Variants in CAMK2D observed in about 807,000 individuals in gnomAD.
The protein encoded by CAMK2D is calcium/calmodulin dependent protein kinase II delta, also known as calcium/calmodulin-dependent protein kinase type II subunit delta.
CAMK2D carries 37 observed loss-of-function variants against 84.0 expected under a neutral mutation model. That is an observed-to-expected ratio of 0.44 (90% CI 0.34 to 0.58). CAMK2D has a LOEUF of 0.58. Ranked by LOEUF, CAMK2D falls within the 20% of genes least tolerant of loss-of-function variation. The probability of loss-of-function intolerance (pLI) is 0.02; values close to 1 mark genes in which losing one functional copy is unlikely to be tolerated. For missense variants in CAMK2D, 448 were observed against 652.5 expected (o/e 0.69, Z 3.41); for synonymous variants, 202 against 212.5 (o/e 0.95, Z 0.43).
At chr4:113,702,070 TG>T (rs1156304003) in intron 2 of CAMK2D, among the ~76,000 whole-genome samples, 20 of 152,176 alleles carry the variant, frequency 1.3e-4, no homozygotes, top group Admixed American at 1.3e-3. Flanking sequence ...CTGCTCAAAT[TG>T]TTCCATCCTT....
At chr4:113,503,233 C>T in intron 14 of CAMK2D, 1 of 686,920 alleles carries the variant, frequency 1.5e-6, no homozygotes. Context: ...TCAAACAAGG[C>T]TTTGATATTT....
chr4:113,682,473 T>C (rs1162167825), intron 2 of CAMK2D, among the ~76,000 whole-genome samples: 1 of 152,070 alleles, frequency 6.6e-6, no homozygotes, highest in Non-Finnish European at 1.5e-5. Context: ...CCAAAATTTA[T>C]AATGAGGACT....
chr4:113,465,963 T>C (rs2097456143), intron 16 of CAMK2D, among the ~76,000 whole-genome samples: 1 of 152,126 alleles, frequency 6.6e-6, no homozygotes, highest in Admixed American at 6.6e-5. Context: ...AAATTAGTTT[T>C]TACTAAGGCT....
intron 6 of CAMK2D, among the ~76,000 whole-genome samples, chr4:113,545,235 A>G (rs905489232): frequency 6.6e-6 from 1 of 152,116 alleles, no homozygotes; most frequent in Non-Finnish European, 1.5e-5. Context: ...CATTACGTTA[A>G]ACAGCTATGG....
At chr4:113,619,085 T>A (rs1366711832) in intron 3 of CAMK2D, among the ~76,000 whole-genome samples, 1 of 152,136 alleles carries the variant, frequency 6.6e-6, no homozygotes, top group Non-Finnish European at 1.5e-5. Context: ...ATCGTCCCCC[T>A]AAAACCTGCT....
At chr4:113,607,942 G>A (rs887702456) in intron 4 of CAMK2D, among the ~76,000 whole-genome samples, 10 of 152,236 alleles carry the variant, frequency 6.6e-5, no homozygotes, top group Non-Finnish European at 1.2e-4. Context: ...ATTTGTCAAT[G>A]CCAGTTGTAA....
At chr4:113,459,700 C>T (rs1332496358) in intron 18 of CAMK2D, among the ~76,000 whole-genome samples, 1 of 144,662 alleles carries the variant, frequency 6.9e-6, no homozygotes, top group Admixed American at 7.1e-5. Context: ...GATCTTGGCT[C>T]ACTGCAACTT....
intron 2 of CAMK2D, among the ~76,000 whole-genome samples, chr4:113,693,569 T>C (rs755877738): frequency 6.6e-6 from 1 of 152,130 alleles, no homozygotes; most frequent in Non-Finnish European, 1.5e-5. Context: ...CTTCTCTTTG[T>C]GTCTAATTGT....
At chr4:113,489,065 C>T (rs2097793543) in intron 16 of CAMK2D, among the ~76,000 whole-genome samples, 2 of 151,972 alleles carry the variant, frequency 1.3e-5, no homozygotes, top group South Asian at 4.1e-4. Context: ...ATAAATTCTG[C>T]ATCAGTCATA....
At chr4:113,679,039 T>C (rs920021972) in intron 2 of CAMK2D, among the ~76,000 whole-genome samples, 1 of 152,188 alleles carries the variant, frequency 6.6e-6, no homozygotes, top group Non-Finnish European at 1.5e-5. Context: ...TATAATACTT[T>C]ATGTAATAGG....
At chr4:113,595,048 A>C (rs1298828403) in intron 4 of CAMK2D, among the ~76,000 whole-genome samples, 1 of 152,112 alleles carries the variant, frequency 6.6e-6, no homozygotes, top group Non-Finnish European at 1.5e-5. Flanking sequence ...AAAACAAAGA[A>C]AAAGAAAAAA....
At chr4:113,458,057 T>A (rs938819676) in intron 18 of CAMK2D, among the ~76,000 whole-genome samples, 1 of 152,216 alleles carries the variant, frequency 6.6e-6, no homozygotes, top group Non-Finnish European at 1.5e-5. Flanking sequence ...GACATCACTG[T>A]CTTCAAAATA....
chr4:113,608,231 G>GT (rs1337036418), intron 4 of CAMK2D, among the ~76,000 whole-genome samples: 13 of 152,132 alleles, frequency 8.5e-5, no homozygotes, highest in African/African-American at 2.9e-4. Flanking sequence ...GTTTCTTAAT[G>GT]ATATCATTGA....
At chr4:113,686,533 G>A (rs968982886) in intron 2 of CAMK2D, among the ~76,000 whole-genome samples, 23 of 152,238 alleles carry the variant, frequency 1.5e-4, no homozygotes, top group African/African-American at 5.5e-4. Flanking sequence ...TGTAAGAGAT[G>A]ATTTTTATTA....
rs374169564 is a variant in CAMK2D, at chr4:113,628,903, T to C, written c.221-19697A>G. Among the ~76,000 whole-genome samples, 10 of 152,226 alleles carry C rather than the reference T, an allele frequency of 6.6e-5. No individual in the cohort carries two copies. In the East Asian group the frequency reaches 1.5e-3, roughly 23 times the overall value. On this transcript the variant is annotated intron_variant, in intron 3 of 20. Coordinates refer to ENST00000511664, the MANE Select transcript of CAMK2D (RefSeq NM_001321571.2). ...GAACAAGAAAAAGAGCTGCTGTACC[T>C]GGTCCTCTTGCTTCAAGTTGCCAGT...
chr4:113,749,013 C>G (rs1463456769), intron 2 of CAMK2D, among the ~76,000 whole-genome samples: 1 of 151,834 alleles, frequency 6.6e-6, no homozygotes, highest in Non-Finnish European at 1.5e-5. Flanking sequence ...GATACAATTT[C>G]TACAAAACTG....
At chr4:113,550,588 A>C (rs1275371008) in intron 5 of CAMK2D, among the ~76,000 whole-genome samples, 1 of 152,262 alleles carries the variant, frequency 6.6e-6, no homozygotes, top group African/African-American at 2.4e-5. Context: ...TCTCTATTTT[A>C]ATTTCAACCA....
intron 16 of CAMK2D, among the ~76,000 whole-genome samples, chr4:113,490,415 CTTGT>C (rs2097822168): frequency 8.9e-6 from 1 of 112,044 alleles, no homozygotes. Flanking sequence ...TTCCCCATTG[CTTGT>C]TTTTCTCAGG....
intron 3 of CAMK2D, among the ~76,000 whole-genome samples, chr4:113,639,884 A>G (rs2154293400): frequency 6.6e-6 from 1 of 152,282 alleles, no homozygotes; most frequent in South Asian, 2.1e-4. Flanking sequence ...GGAGAGTGAC[A>G]GATCCGAGTT....
Sources: gnomAD v4.1 joint callset for allele counts (sites outside exome capture counted in the v4.1 genomes callset) on GRCh38, gnomAD v4.1.1 for gene constraint, MANE v1.5 for transcripts, NCBI Gene and HGNC (gene_info 2026-07-23, HGNC 2026-07-21) for gene names.